KDM4C: variants seen among roughly 807,000 people sequenced by gnomAD.
KDM4C encodes lysine-specific demethylase 4C.
Under a neutral mutation model 129.3 loss-of-function variants are expected in KDM4C, and 81 were observed. That is an observed-to-expected ratio of 0.63 (90% CI 0.52 to 0.75). KDM4C has a LOEUF of 0.75. Ranked by LOEUF, KDM4C falls within the 30% of genes least tolerant of loss-of-function variation. The pLI is 0.00. For synonymous variants in KDM4C, 573 were observed against 456.1 expected (o/e 1.26, Z -3.26); for missense variants, 1,457 against 1,304.0 (o/e 1.12, Z -1.81).
At chr9:6,816,442 G>C (rs1170888675) in intron 4 of KDM4C, among the ~76,000 whole-genome samples, 2 of 152,096 alleles carry the variant, frequency 1.3e-5, no homozygotes, top group African/African-American at 2.4e-5. Flanking sequence ...CTTCTGACTT[G>C]AAGGTAATCA....
At chr9:6,787,519 C>T (rs1166581386) in intron 1 of KDM4C, among the ~76,000 whole-genome samples, 3 of 152,272 alleles carry the variant, frequency 2.0e-5, no homozygotes, top group African/African-American at 7.2e-5. Context: ...AGGCGTGAGC[C>T]ACCACGCCCA....
intron 8 of KDM4C, among the ~76,000 whole-genome samples, chr9:6,952,652 G>A (rs962359602): frequency 3.9e-5 from 6 of 151,986 alleles, no homozygotes; most frequent in Admixed American, 6.6e-5. Flanking sequence ...TGTTGGCCAG[G>A]CTGATCTCAA....
chr9:7,071,168 G>A (rs1157176501), intron 17 of KDM4C, among the ~76,000 whole-genome samples: 2 of 152,122 alleles, frequency 1.3e-5, no homozygotes, highest in Admixed American at 6.6e-5. Context: ...TCAAAGAATA[G>A]CTAAATAAGT....
chr9:6,975,053 A>G (rs1254924025), intron 8 of KDM4C: 10 of 152,154 alleles, frequency 6.6e-5, no homozygotes, highest in Admixed American at 4.6e-4. Flanking sequence ...TTCTTTGTCT[A>G]TTTGAACAGT....
At chr9:6,920,412 A>C (rs986534789) in intron 8 of KDM4C, among the ~76,000 whole-genome samples, 1 of 152,188 alleles carries the variant, frequency 6.6e-6, no homozygotes, top group Non-Finnish European at 1.5e-5. Context: ...ACTACAAAAA[A>C]ATTAGCTGGG....
At chr9:6,882,123 C>T (rs756099359) in intron 6 of KDM4C, among the ~76,000 whole-genome samples, 15 of 152,164 alleles carry the variant, frequency 9.9e-5, no homozygotes, top group South Asian at 2.1e-4. Context: ...AGTTTGATTT[C>T]GCCCTTCAGC....
At chr9:6,880,758 C>T (rs116606031) in intron 6 of KDM4C, among the ~76,000 whole-genome samples, 251 of 152,274 alleles carry the variant, frequency 1.6e-3, no homozygotes, top group African/African-American at 5.6e-3. Flanking sequence ...TGTGTGTAGA[C>T]AATGCCAATG....
intron 1 of KDM4C, among the ~76,000 whole-genome samples, chr9:6,787,255 C>T (rs549012686): frequency 2.6e-5 from 4 of 152,258 alleles, no homozygotes; most frequent in Non-Finnish European, 2.9e-5. Flanking sequence ...TTTTTTGAGA[C>T]GGAGTCTTTA....
chr9:6,722,286 C>T lies in KDM4C; in HGVS notation c.49+1289C>T, dbSNP rs532628135. ...GAATTGGGAGGATTCAGTTTCCTCC[C>T]AGTGTCCTAGTTGTTACTAGACAGT... On this transcript the variant is annotated intron_variant, in intron 1 of 17. Coordinates refer to the KDM4C transcript ENST00000536108. Among the ~76,000 whole-genome samples the T allele has an allele frequency of 2.0e-5, 3 of 152,126 alleles. No homozygotes were observed. The South Asian group carries it at 6.2e-4, about 32-fold the overall frequency.
At chr9:7,103,991 A>T in intron 18 of KDM4C, 121 bp downstream of exon 18, 1 of 891,522 alleles carries the variant, frequency 1.1e-6, no homozygotes, top group Non-Finnish European at 1.7e-6. Context: ...ACATGTCTAG[A>T]CCGTGAGTTC....
rs1024998285 is a variant in KDM4C at position 6,851,396 on chromosome 9, C to G, written c.629+1696C>G. Among the ~76,000 whole-genome samples, 4 of 152,154 alleles carry G rather than the reference C, an allele frequency of 2.6e-5. 1 individual carries two copies. The highest frequency in any genetic ancestry group is 3.8e-4 in the East Asian group (2 of 5,196). Reference sequence around the variant, plus strand: ...ATGTCATCTTTTAGTTTTTTCAGAACTTAGCTTGGAGAGACTAGGAGAAAT... The same window carrying G: ...ATGTCATCTTTTAGTTTTTTCAGAAGTTAGCTTGGAGAGACTAGGAGAAAT... On this transcript the variant is annotated intron_variant, in intron 5 of 21. Transcript: ENST00000381309.
chr9:6,824,603 A>C (rs1833574645), intron 4 of KDM4C, among the ~76,000 whole-genome samples: 1 of 151,100 alleles, frequency 6.6e-6, no homozygotes, highest in Non-Finnish European at 1.5e-5. Flanking sequence ...TTAGAAATTA[A>C]GGCCGGGCGT....
rs191228606 is a variant in KDM4C, at chr9:7,124,360, T to C, written c.2611-3706T>C. On this transcript the variant is annotated intron_variant, in intron 18 of 21. Coordinates refer to ENST00000381309, the MANE Select transcript of KDM4C (RefSeq NM_015061.6). The stretch of plus-strand genomic sequence containing the variant: ...GAGGGCAACATCTGCAAGAAAGTTC[T>C]GCCAAGATGAAGCTGTGTGTGTCCC... 5.5e-4 allele frequency among the ~76,000 whole-genome samples: 84 copies of C among 152,360 alleles called. No homozygotes were observed. The East Asian group carries it at 0.012, about 22-fold the overall frequency.
intron 19 of KDM4C, among the ~76,000 whole-genome samples, chr9:7,141,602 G>A (rs1022219349): frequency 6.6e-6 from 1 of 152,130 alleles, no homozygotes; most frequent in Non-Finnish European, 1.5e-5. Flanking sequence ...TCAGCCAAGT[G>A]GAAGGTGACA....
chr9:7,031,610 TAC>T (rs1185968953), intron 15 of KDM4C, among the ~76,000 whole-genome samples: 1 of 152,208 alleles, frequency 6.6e-6, no homozygotes, highest in East Asian at 1.9e-4. Context: ...TGTTTATGTG[TAC>T]ATATATACAC....
chr9:7,031,475 T>C (rs1282320572), intron 15 of KDM4C, among the ~76,000 whole-genome samples: 2 of 152,160 alleles, frequency 1.3e-5, no homozygotes, highest in African/African-American at 4.8e-5. Flanking sequence ...TTTTTAAAAA[T>C]TGTAGTAACA....
chr9:6,984,046 G>T, intron 9 of KDM4C, 120 bp from the exon 10 acceptor site: 1 of 648,816 alleles, frequency 1.5e-6, no homozygotes, highest in South Asian at 2.0e-5. Flanking sequence ...ACTTGGCATA[G>T]TGATTAACAA....
intron 5 of KDM4C, among the ~76,000 whole-genome samples, chr9:6,859,509 T>C (rs1322591810): frequency 7.2e-6 from 1 of 139,344 alleles, no homozygotes. Context: ...AAATCGTCTC[T>C]GGTAACACAG....
chr9:6,733,270 G>A (rs1817410872), intron 1 of KDM4C, among the ~76,000 whole-genome samples: 1 of 152,226 alleles, frequency 6.6e-6, no homozygotes, highest in Admixed American at 6.5e-5. Context: ...AAACATCATG[G>A]ATGCTGGCTG....
Sources: allele counts gnomAD v4.1 joint callset (sites outside exome capture counted in the v4.1 genomes callset), GRCh38; gene constraint gnomAD v4.1.1; transcripts MANE v1.5; gene names NCBI Gene and HGNC (gene_info 2026-07-23, HGNC 2026-07-21).